The following PPP1R9A variants were observed in gnomAD, a reference collection of about 807,000 sequenced individuals.
PPP1R9A encodes the protein neurabin-1.
A neutral mutation model predicts 141.9 loss-of-function variants in PPP1R9A; 59 were observed. That is an observed-to-expected ratio of 0.42 (90% CI 0.34 to 0.52). PPP1R9A has a LOEUF of 0.52. Among genes scored for constraint, PPP1R9A ranks in the 20% least tolerant of loss-of-function variants. The probability of loss-of-function intolerance (pLI) is 0.10; values close to 1 mark genes in which losing one functional copy is unlikely to be tolerated. For synonymous variants in PPP1R9A, 500 were observed against 569.7 expected (o/e 0.88, Z 1.74); for missense variants, 1,444 against 1,611.9 (o/e 0.90, Z 1.78).
intron 7 of PPP1R9A, among the ~76,000 whole-genome samples, chr7:95,209,166 A>G (rs534455395): frequency 3.6e-4 from 55 of 152,242 alleles, no homozygotes; most frequent in South Asian, 8.3e-4. Context: ...AATAGGCTTT[A>G]TGTCAACTCA....
intron 2 of PPP1R9A, chr7:95,036,491 C>T (rs956203453): frequency 1.3e-5 from 2 of 152,114 alleles, no homozygotes; most frequent in African/African-American, 2.4e-5. Context: ...CCAGTTATAG[C>T]TAATATGGTT....
chr7:95,098,033 T>A (rs1316154530), intron 2 of PPP1R9A, among the ~76,000 whole-genome samples: 2 of 152,258 alleles, frequency 1.3e-5, no homozygotes, highest in Non-Finnish European at 2.9e-5. Context: ...ACTTCAGCTC[T>A]GCTCTTCAGG....
intron 16 of PPP1R9A, among the ~76,000 whole-genome samples, chr7:95,280,792 G>A (rs1804058953): frequency 6.6e-6 from 1 of 152,068 alleles, no homozygotes; most frequent in African/African-American, 2.4e-5. Context: ...TGGGGAGAAA[G>A]GAAGGTGAAA....
intron 9 of PPP1R9A, among the ~76,000 whole-genome samples, 198 bp downstream of exon 9, chr7:95,247,724 CAA>C (rs1798310031): frequency 6.6e-6 from 1 of 151,936 alleles, no homozygotes; most frequent in Non-Finnish European, 1.5e-5. Flanking sequence ...GCAAATAACA[CAA>C]TATTTTAGAT....
intron 2 of PPP1R9A, among the ~76,000 whole-genome samples, chr7:94,984,535 C>T (rs1027379470): frequency 6.6e-6 from 1 of 152,074 alleles, no homozygotes; most frequent in Non-Finnish European, 1.5e-5. Context: ...TTCAGAGATT[C>T]AGCTTCTTCC....
Position 95,125,608 on chromosome 7 carries a change from T to C in PPP1R9A, c.1649+4776T>C, listed in dbSNP as rs1394702602. 2.0e-5 allele frequency among the ~76,000 whole-genome samples: 3 copies of C among 152,326 alleles called. No individual in the cohort carries two copies. In the East Asian group the frequency reaches 5.8e-4, roughly 29 times the overall value. Reference sequence around the variant, plus strand: ...TAGAGTAAATCACATGGATGGTAACTGACAAAGGATGTTAATAATGCTGTG... The same window carrying C: ...TAGAGTAAATCACATGGATGGTAACCGACAAAGGATGTTAATAATGCTGTG... On this transcript the variant is annotated intron_variant, in intron 4 of 19. Coordinates refer to ENST00000433360, the MANE Select transcript of PPP1R9A (RefSeq NM_001166160.2).
Position 95,128,984 on chromosome 7 carries a change from C to T in PPP1R9A, c.1649+8152C>T, listed in dbSNP as rs182805004. ...GTCTATGATTCTTATAGTTTGAGGT[C>T]TTACGTTTAAATCTTTAATCCATCT... On this transcript the variant is annotated intron_variant, in intron 4 of 19. Transcript: ENST00000433360. Among the ~76,000 whole-genome samples, 213 of 152,244 alleles carry T rather than the reference C, an allele frequency of 1.4e-3. 1 individual carries two copies. The highest frequency in any genetic ancestry group is 0.01 in the Middle Eastern group (3 of 294).
chr7:95,087,108 A>G (rs1179778670), intron 2 of PPP1R9A, among the ~76,000 whole-genome samples: 1 of 151,940 alleles, frequency 6.6e-6, no homozygotes, highest in Admixed American at 6.5e-5. Context: ...CATTTTACTG[A>G]GTGTTCAAAT....
chr7:95,252,836 T>C (rs1258268784), intron 12 of PPP1R9A, among the ~76,000 whole-genome samples: 1 of 152,212 alleles, frequency 6.6e-6, no homozygotes, highest in Non-Finnish European at 1.5e-5. Flanking sequence ...GACTGCTGCT[T>C]TCAGCACTTG....
chr7:95,008,667 T>C (rs1803966946), intron 2 of PPP1R9A, among the ~76,000 whole-genome samples: 1 of 152,188 alleles, frequency 6.6e-6, no homozygotes, highest in Admixed American at 6.5e-5. Context: ...GGAGTACCAC[T>C]GCTTTCCTAA....
chr7:95,233,205 T>G (rs1176968342), intron 8 of PPP1R9A, among the ~76,000 whole-genome samples: 5 of 152,170 alleles, frequency 3.3e-5, no homozygotes, highest in Non-Finnish European at 5.9e-5. Flanking sequence ...AAGGATGACT[T>G]AATGTCCTTT....
chr7:94,915,713 T>C (rs952061229), intron 2 of PPP1R9A, among the ~76,000 whole-genome samples: 4 of 152,352 alleles, frequency 2.6e-5, no homozygotes, highest in Non-Finnish European at 2.9e-5. Flanking sequence ...AATGTTCCTA[T>C]GTCCCATCTT....
At chr7:95,210,993 G>A (rs912218162) in intron 7 of PPP1R9A, among the ~76,000 whole-genome samples, 9 of 152,044 alleles carry the variant, frequency 5.9e-5, no homozygotes, top group South Asian at 2.1e-4. Flanking sequence ...ACTGGGGCCC[G>A]TCAGAGGGTG....
At chr7:94,939,366 A>G (rs1264563402) in intron 2 of PPP1R9A, among the ~76,000 whole-genome samples, 1 of 152,172 alleles carries the variant, frequency 6.6e-6, no homozygotes, top group East Asian at 1.9e-4. Context: ...GTAGAAAGTG[A>G]GTCTACAATA....
intron 2 of PPP1R9A, among the ~76,000 whole-genome samples, chr7:94,931,130 A>G (rs184486471): frequency 1.1e-3 from 163 of 152,314 alleles, no homozygotes; most frequent in Middle Eastern, 6.8e-3. Context: ...AAGTCTTCAG[A>G]GAAATATACA....
chr7:95,104,153 A>G (rs1277044996), intron 2 of PPP1R9A, among the ~76,000 whole-genome samples: 1 of 152,200 alleles, frequency 6.6e-6, no homozygotes, highest in Non-Finnish European at 1.5e-5. Flanking sequence ...CCTTAGAAAT[A>G]TTTTATGTAA....
intron 2 of PPP1R9A, among the ~76,000 whole-genome samples, chr7:94,922,819 A>G (rs1793009880): frequency 6.6e-6 from 1 of 152,218 alleles, no homozygotes; most frequent in Admixed American, 6.5e-5. Flanking sequence ...TTCTACAATA[A>G]GCATGTATTA....
chr7:95,032,346 T>G (rs988118421), intron 2 of PPP1R9A, among the ~76,000 whole-genome samples: 1 of 152,216 alleles, frequency 6.6e-6, no homozygotes, highest in Non-Finnish European at 1.5e-5. Context: ...CTTGTGTTTT[T>G]ACTAAGACAT....
At chr7:95,243,937 C>T (rs1797784464) in intron 8 of PPP1R9A, among the ~76,000 whole-genome samples, 2 of 152,110 alleles carry the variant, frequency 1.3e-5, no homozygotes, top group African/African-American at 4.8e-5. Context: ...GGTAAGCTCA[C>T]TAGACACAGG....
Sources: allele counts gnomAD v4.1 joint callset (sites outside exome capture counted in the v4.1 genomes callset), GRCh38; gene constraint gnomAD v4.1.1; transcripts MANE v1.5; gene names NCBI Gene and HGNC (gene_info 2026-07-23, HGNC 2026-07-21).